UBR3: variants seen among roughly 807,000 people sequenced by gnomAD.
UBR3 encodes the protein E3 ubiquitin-protein ligase UBR3.
Under a neutral mutation model 243.2 loss-of-function variants are expected in UBR3, and 85 were observed. The ratio of observed to expected loss-of-function variants is 0.35; its 90% CI spans 0.29 to 0.42. The LOEUF is 0.42. Among genes scored for constraint, UBR3 ranks in the 10% least tolerant of loss-of-function variants. UBR3 has a pLI of 1.00. For synonymous variants in UBR3, 748 were observed against 799.8 expected (o/e 0.94, Z 1.09); for missense variants, 1,686 against 2,300.8 (o/e 0.73, Z 5.47).
In UBR3 at chr2:169,827,992, T is replaced by C; in HGVS notation, c.485T>C (p.Phe162Ser). ...GDHTGHDFNMFRSQAGGACDC... is the reference protein window; with the variant it reads ...GDHTGHDFNMSRSQAGGACDC... ...CACACCGGACACGACTTCAACATGT[T>C]CCGCAGCCAGGCCGGGGGCGCCTGC... The change falls in exon 1 of 39, where the codon TTC (phenylalanine) becomes TCC (serine). Residue 162 changes from phenylalanine to serine, a missense_variant. Phe to Ser is a radical substitution (Grantham distance 155, BLOSUM62 -2). Around this residue, in one of 8 missense-constraint regions of UBR3, gnomAD observed 145 missense variants for 243.8 expected, o/e 0.59. Coordinates refer to ENST00000272793, the MANE Select transcript of UBR3 (RefSeq NM_172070.4). The C allele has an allele frequency of 7.0e-7, 1 of 1,430,118 alleles. No homozygotes were observed. The highest frequency in any genetic ancestry group is 1.4e-5 in the South Asian group (1 of 73,322). The allele number at this position is 1,430,118 out of a possible 1,614,324, so 88.6% of individuals were successfully genotyped here.
At chr2:170,040,753 T>G in intron 31 of UBR3, 129 bp from the exon 32 acceptor site, 1 of 778,436 alleles carries the variant, frequency 1.3e-6, no homozygotes, top group Non-Finnish European at 1.9e-6. Context: ...TCCTAAGGTT[T>G]TTTTTTACAT....
At chr2:169,878,785 T>C (rs1231254922) in intron 5 of UBR3, among the ~76,000 whole-genome samples, 1 of 152,168 alleles carries the variant, frequency 6.6e-6, no homozygotes, top group Non-Finnish European at 1.5e-5. Flanking sequence ...GAGAACGAGG[T>C]GTGTAACTAG....
intron 31 of UBR3, among the ~76,000 whole-genome samples, chr2:170,033,209 T>G (rs2090727259): frequency 6.6e-6 from 1 of 152,028 alleles, no homozygotes; most frequent in Non-Finnish European, 1.5e-5. Flanking sequence ...GTAATACTGA[T>G]TTCTGGATTT....
chr2:169,859,740 G>C (rs1342496850), intron 1 of UBR3, among the ~76,000 whole-genome samples: 1 of 150,664 alleles, frequency 6.6e-6, no homozygotes, highest in Non-Finnish European at 1.5e-5. Flanking sequence ...TTTTGAGATG[G>C]AGTTTCACTT....
In UBR3 at chr2:170,083,393, G is replaced by A. The variant is rs2091936082; in HGVS notation, c.*1550G>A. The stretch of plus-strand genomic sequence containing the variant: ...TTTATATACATTTCCAAAATATTAA[G>A]ATAACTTTCTGTAAGAGTCAATGAT... On this transcript the variant is annotated 3_prime_UTR_variant, in exon 39 of 39. Transcript: ENST00000272793. The A allele has an allele frequency of 6.6e-6, 1 of 152,538 alleles. No homozygotes were observed. The highest frequency in any genetic ancestry group is 6.5e-5 in the Admixed American group (1 of 15,278). 9.4% of individuals were successfully genotyped at this position (152,538 alleles called of 1,614,324 possible). A position where few individuals can be genotyped will look rare whatever the true frequency, so the allele number is the denominator to read the frequency against.
chr2:169,850,284 TCCTCCCACTTCAG>T (rs1559017958), intron 1 of UBR3, among the ~76,000 whole-genome samples: 2 of 143,824 alleles, frequency 1.4e-5, no homozygotes, highest in East Asian at 4.6e-4. Flanking sequence ...GCTCAAGCAA[TCCTCCCACTTCAG>T]CCTCCCAAGT....
chr2:169,970,867 A>T (rs1273831089), intron 24 of UBR3, among the ~76,000 whole-genome samples: 1 of 147,966 alleles, frequency 6.8e-6, no homozygotes, highest in African/African-American at 2.5e-5. Context: ...GTCAAATGGT[A>T]TTTCCAGTTC....
chr2:169,883,641 G>A (rs1033380566), intron 5 of UBR3, among the ~76,000 whole-genome samples: 2 of 152,074 alleles, frequency 1.3e-5, no homozygotes, highest in Admixed American at 1.3e-4. Flanking sequence ...GCTAAATAAT[G>A]TACCAATAAT....
At chr2:169,902,541 T>G (rs377601474) in intron 8 of UBR3, among the ~76,000 whole-genome samples, 5 of 46,894 alleles carry the variant, frequency 1.1e-4, no homozygotes, top group Non-Finnish European at 3.7e-4. Context: ...CCATCACTAG[T>G]TTTATCTGGT....
chr2:169,988,372 A>G (rs2089123729), intron 25 of UBR3, among the ~76,000 whole-genome samples: 1 of 152,142 alleles, frequency 6.6e-6, no homozygotes, highest in Non-Finnish European at 1.5e-5. Context: ...TCATTATTTT[A>G]TGTTTTTAAG....
chr2:169,977,853 G>A (rs1482665580), intron 24 of UBR3, among the ~76,000 whole-genome samples: 2 of 152,076 alleles, frequency 1.3e-5, no homozygotes, highest in African/African-American at 2.4e-5. Context: ...TCATTTTGTC[G>A]TGTCATATTT....
chr2:170,055,497 A>G lies in UBR3; in HGVS notation c.4698A>G (p.Leu1566=). 1.9e-6 allele frequency: 3 copies of G among 1,613,742 alleles called. No homozygotes were observed. Among genetic ancestry groups the G allele is most frequent in the East Asian group, 2.2e-5 (1 of 44,874 alleles). Residue 1566 remains leucine, a synonymous_variant, in exon 33 of 39, where the codon CTA becomes CTG. Transcript: ENST00000272793. The part of the protein sequence containing the change: ...FTCIVKVLFT[L]LYTQALAALS... The stretch of plus-strand genomic sequence containing the variant: ...GCATTGTGAAGGTACTTTTTACCCT[A>G]CTGTACACACAGGCTCTTGCAGCAC...
chr2:169,872,684 A>G (rs1176957454), intron 2 of UBR3, among the ~76,000 whole-genome samples: 1 of 152,138 alleles, frequency 6.6e-6, no homozygotes, highest in Non-Finnish European at 1.5e-5. Context: ...TTGCAATATT[A>G]TGATAAAGCA....
intron 27 of UBR3, among the ~76,000 whole-genome samples, chr2:170,004,843 G>A (rs1230420921): frequency 6.6e-6 from 1 of 151,996 alleles, no homozygotes; most frequent in Non-Finnish European, 1.5e-5. Context: ...CCCGGGAGGT[G>A]GAGGTTGCAG....
chr2:169,890,581 G>GTATATATATATGTA lies in UBR3; in HGVS notation c.1039-576_1039-563dup, dbSNP rs142551956. Among the ~76,000 whole-genome samples, 121 of 96,412 alleles carry GTATATATATATGTA rather than the reference G, an allele frequency of 1.3e-3. 14 individuals are homozygous for GTATATATATATGTA. The highest frequency in any genetic ancestry group is 5.2e-3 in the African/African-American group (104 of 20,092). The allele number at this position is 96,412 out of a possible 152,430, so 63.3% of individuals were successfully genotyped here. A position where few individuals can be genotyped will look rare whatever the true frequency, so the allele number is the denominator to read the frequency against. On this transcript the variant is annotated intron_variant, in intron 5 of 38. Transcript: ENST00000272793. ...TATATATATGTGTATATATATATAT[G>GTATATATATATGTA]TATATATATATGTATATATATGTAT...
At chr2:169,851,371 C>A (rs765908424) in intron 1 of UBR3, among the ~76,000 whole-genome samples, 1 of 152,174 alleles carries the variant, frequency 6.6e-6, no homozygotes, top group South Asian at 2.1e-4. Flanking sequence ...TCAAGTGATA[C>A]GCCTGCCTCA....
Position 169,875,939 on chromosome 2 carries a change from T to C in UBR3, c.834T>C (p.Asp278=), listed in dbSNP as rs1479141456. ...QVLTNQQNYK[D]LTSGLGENAC... ...TGACAAACCAACAAAACTACAAAGA[T>C]CTGACTTCTGGTGAGTAAAATGTTA... is the stretch of plus-strand genomic sequence containing the variant. Residue 278 remains aspartate, a synonymous_variant, in exon 3 of 39, where the codon GAT becomes GAC. Transcript: ENST00000272793. 2.6e-6 allele frequency: 4 copies of C among 1,529,014 alleles called. No homozygotes were observed. In the African/African-American group the frequency reaches 4.2e-5, roughly 16 times the overall value. 94.7% of individuals were successfully genotyped at this position (1,529,014 alleles called of 1,614,324 possible).
rs371146503 is a variant in UBR3 at position 170,046,569 on chromosome 2, C to T, written c.4660+5584C>T. The stretch of plus-strand genomic sequence containing the variant: ...TTTCTTATTTCTTTTTACAAAAATA[C>T]TTCATGGATAATGTTAAATACTTTT... On this transcript the variant is annotated intron_variant, in intron 32 of 38. Coordinates refer to ENST00000272793, the MANE Select transcript of UBR3 (RefSeq NM_172070.4). 2.3e-4 allele frequency among the ~76,000 whole-genome samples: 35 copies of T among 152,264 alleles called. No homozygotes were observed. The South Asian group carries it at 7.3e-3, about 32-fold the overall frequency.
intron 31 of UBR3, among the ~76,000 whole-genome samples, chr2:170,038,366 ATTTG>A (rs1469797283): frequency 1.3e-5 from 2 of 152,286 alleles, no homozygotes; most frequent in African/African-American, 4.8e-5. Flanking sequence ...CCACTCGTTT[ATTTG>A]TTCATTCATC....
Sources: allele counts gnomAD v4.1 joint callset (sites outside exome capture counted in the v4.1 genomes callset), GRCh38; gene constraint gnomAD v4.1.1; regional missense constraint gnomAD v4.1.1; transcripts MANE v1.5; gene names NCBI Gene and HGNC (gene_info 2026-07-23, HGNC 2026-07-21).